CD300A: variants seen among roughly 807,000 people sequenced by gnomAD.
The protein encoded by CD300A is CMRF35-like molecule 8.
Under a neutral mutation model 33.6 loss-of-function variants are expected in CD300A, and 22 were observed. That is an observed-to-expected ratio of 0.66 (90% confidence interval 0.47 to 0.94). The LOEUF (loss-of-function observed/expected upper bound fraction) is 0.94. Ranked by LOEUF, CD300A falls within the 40% of genes least tolerant of loss-of-function variation. The pLI is 0.00. For missense variants in CD300A, 326 were observed against 360.5 expected (o/e 0.90, Z 0.77); for synonymous variants, 136 against 148.1 (o/e 0.92, Z 0.59).
At chr17:74,475,623 C>T (rs1012954415) in intron 3 of CD300A, among the ~76,000 whole-genome samples, 2 of 152,166 alleles carry the variant, frequency 1.3e-5, no homozygotes, top group East Asian at 1.9e-4. Context: ...CTGGGATTCA[C>T]GGACTCCCTA....
In CD300A at chr17:74,474,692, A is replaced by C. The variant is rs1027136152; in HGVS notation, c.533+7A>C. 5.6e-6 allele frequency: 9 copies of C among 1,613,674 alleles called. 2 individuals carry two copies. The Middle Eastern group carries it at 5.0e-4, about 89-fold the overall frequency. ...AGGAGGTGGTGAACTCACAGTAAGC[A>C]CCCTAGCCCCTGAGACATGGAGGGG... On this transcript the variant is annotated splice_region_variant and intron_variant, in intron 3 of 6. Transcript: ENST00000360141.
At chr17:74,481,963 T>C (rs995765459) in intron 6 of CD300A, 130 bp downstream of exon 6, 6 of 644,326 alleles carry the variant, frequency 9.3e-6, no homozygotes, top group Non-Finnish European at 1.4e-5. Context: ...CAGGGCCACA[T>C]GGAGATGGAG....
At chr17:74,479,120 C>T (rs908226765) in intron 4 of CD300A, among the ~76,000 whole-genome samples, 3 of 152,158 alleles carry the variant, frequency 2.0e-5, no homozygotes, top group Non-Finnish European at 4.4e-5. Flanking sequence ...GGAAATAAAT[C>T]CCCCATCATC....
At chr17:74,481,166 T>C (rs1286787973) in intron 4 of CD300A, 123 bp from the exon 5 acceptor site, 1 of 821,644 alleles carries the variant, frequency 1.2e-6, no homozygotes, top group Non-Finnish European at 2.0e-6. Context: ...GCTTCAGGCC[T>C]GAAGGGATAG....
At chr17:74,468,662 T>C (rs937452471) in intron 1 of CD300A, among the ~76,000 whole-genome samples, 12 of 152,174 alleles carry the variant, frequency 7.9e-5, no homozygotes, top group African/African-American at 2.9e-4. Flanking sequence ...TTTATTTTTA[T>C]TTATTTTTTT....
At position 74,484,227 on chromosome 17, in the gene CD300A, A is replaced by T. The variant is rs1907109322; in HGVS notation, c.*101A>T. The stretch of plus-strand genomic sequence containing the variant: ...ACGTCCTTCTCAGCCTGCCCTCGAC[A>T]ACAGTGACCAACAGACAGGCAGCTG... On this transcript the variant is annotated 3_prime_UTR_variant, in exon 7 of 7. Coordinates refer to ENST00000360141, the MANE Select transcript of CD300A (RefSeq NM_007261.4). 8.0e-7 allele frequency: 1 copy of T among 1,246,942 alleles called. No individual in the cohort carries two copies. Among genetic ancestry groups the T allele is most frequent in the Non-Finnish European group, 1.1e-6 (1 of 892,838 alleles). The allele number at this position is 1,246,942 out of a possible 1,614,324, so 77.2% of individuals were successfully genotyped here.
rs577545066 is a variant in CD300A, at chr17:74,475,413, C to T, written c.533+728C>T. On this transcript the variant is annotated intron_variant, in intron 3 of 6. Coordinates refer to ENST00000360141, the MANE Select transcript of CD300A (RefSeq NM_007261.4). ...TACAGATGAGTAAACTGAGACTCAG[C>T]GAGGTGAAGCAATTTGCCCAGTCAA... 9.9e-5 allele frequency among the ~76,000 whole-genome samples: 15 copies of T among 152,212 alleles called. No individual in the cohort carries two copies. The South Asian group carries it at 1.2e-3, about 13-fold the overall frequency.
At position 74,470,105 on chromosome 17, in the gene CD300A, G is replaced by A. The variant is rs188088550; in HGVS notation, c.40+3362G>A. ...GTTAAGACGACAGAGGAATATCCTG[G>A]TAGAGGACCCTGGCCCCAAGGTGGT... is the stretch of plus-strand genomic sequence containing the variant. On this transcript the variant is annotated intron_variant, in intron 1 of 6. Coordinates refer to ENST00000360141, the MANE Select transcript of CD300A (RefSeq NM_007261.4). The A allele has an allele frequency of 6.8e-5, 67 of 985,352 alleles. No individual in the cohort carries two copies. In the African/African-American group the frequency reaches 1.1e-3, roughly 16 times the overall value. The allele number at this position is 985,352 out of a possible 1,614,324, so 61.0% of individuals were successfully genotyped here.
chr17:74,477,416 C>T lies in CD300A; in HGVS notation c.534-20C>T, dbSNP rs767715535. Reference sequence around the variant, plus strand: ...AGAAGGCAAGTTGGCCCCGCCCTTACCATCCTGTGCCTCCTCCAGGCTCCC... The same window carrying T: ...AGAAGGCAAGTTGGCCCCGCCCTTATCATCCTGTGCCTCCTCCAGGCTCCC... On this transcript the variant is annotated intron_variant, in intron 3 of 6. Coordinates refer to ENST00000360141, the MANE Select transcript of CD300A (RefSeq NM_007261.4). The T allele has an allele frequency of 6.3e-7, 1 of 1,596,696 alleles. No individual in the cohort carries two copies. The highest frequency in any genetic ancestry group is 8.6e-7 in the Non-Finnish European group (1 of 1,165,630).
At chr17:74,482,697 C>CCTTCCTTCCTTT (rs760621763) in intron 6 of CD300A, among the ~76,000 whole-genome samples, 1 of 130,132 alleles carries the variant, frequency 7.7e-6, no homozygotes, top group East Asian at 2.1e-4. Flanking sequence ...TTCCTTCCTT[C>CCTTCCTTCCTTT]CTTTCTTTCT....
intron 5 of CD300A, 77 bp downstream of exon 5, chr17:74,481,403 C>T (rs1906836994): frequency 2.2e-6 from 3 of 1,356,002 alleles, no homozygotes; most frequent in Non-Finnish European, 3.2e-6. Flanking sequence ...TGGACAGTCC[C>T]ATCGGCCAAC....
chr17:74,470,847 C>T (rs962986945), intron 1 of CD300A, among the ~76,000 whole-genome samples: 2 of 151,674 alleles, frequency 1.3e-5, no homozygotes, highest in East Asian at 2.0e-4. Flanking sequence ...ATGGGGGTCT[C>T]ACCACATTGC....
At chr17:74,479,044 C>T (rs965781407) in intron 4 of CD300A, among the ~76,000 whole-genome samples, 1 of 152,054 alleles carries the variant, frequency 6.6e-6, no homozygotes, top group African/African-American at 2.4e-5. Flanking sequence ...AGAGCCTCCT[C>T]CCCCCTTGAA....
At chr17:74,481,382 T>G in intron 5 of CD300A, 56 bp downstream of exon 5, 1 of 1,538,824 alleles carries the variant, frequency 6.5e-7, no homozygotes, top group South Asian at 1.1e-5. Context: ...GTACAGAGGC[T>G]GCTGGGGAGT....
In CD300A at chr17:74,469,549, G is replaced by T. The variant is rs115921210; in HGVS notation, c.40+2806G>T. On this transcript the variant is annotated intron_variant, in intron 1 of 6. Coordinates refer to ENST00000360141, the MANE Select transcript of CD300A (RefSeq NM_007261.4). The stretch of plus-strand genomic sequence containing the variant: ...AGTCTAATTAATTGTTTGAGGCCAG[G>T]CACGTTGGCTCACGCCTGTAATCCC... Among the ~76,000 whole-genome samples the T allele has an allele frequency of 5.0e-3, 757 of 152,248 alleles. 3 individuals are homozygous for T. The highest frequency in any genetic ancestry group is 0.017 in the African/African-American group (708 of 41,532).
chr17:74,470,901 T>C (rs988923938), intron 1 of CD300A, among the ~76,000 whole-genome samples: 2 of 151,892 alleles, frequency 1.3e-5, no homozygotes, highest in African/African-American at 4.8e-5. Flanking sequence ...ATCCTCCCAC[T>C]TTGGCCTCCC....
intron 6 of CD300A, among the ~76,000 whole-genome samples, chr17:74,482,214 A>G (rs966354377): frequency 1.3e-5 from 2 of 151,886 alleles, no homozygotes; most frequent in African/African-American, 2.4e-5. Context: ...CTGTGGGTCA[A>G]CCCTTGGGCG....
intron 1 of CD300A, among the ~76,000 whole-genome samples, chr17:74,472,254 CAA>C (rs1906155699): frequency 7.0e-6 from 1 of 142,392 alleles, no homozygotes; most frequent in African/African-American, 2.8e-5. Flanking sequence ...AAAAAAAAAT[CAA>C]AGAGTTCTAA....
chr17:74,483,341 T>TTTTC lies in CD300A; in HGVS notation c.775-657_775-656insCTTT, dbSNP rs1598111909. Among the ~76,000 whole-genome samples the TTTTC allele has an allele frequency of 2.7e-5, 4 of 150,608 alleles. No individual in the cohort carries two copies. In the East Asian group the frequency reaches 7.8e-4, roughly 29 times the overall value. On this transcript the variant is annotated intron_variant, in intron 6 of 6. Transcript: ENST00000360141. The stretch of plus-strand genomic sequence containing the variant: ...GCTTCGTTGTGAGAACTTTCCTTTT[T>TTTTC]TTTTCTTTTCTTTTCTTTTTTTCTT...
Sources: gnomAD v4.1 joint callset for allele counts (sites outside exome capture counted in the v4.1 genomes callset) on GRCh38, gnomAD v4.1.1 for gene constraint, MANE v1.5 for transcripts, NCBI Gene and HGNC (gene_info 2026-07-23, HGNC 2026-07-21) for gene names.